P2RX6: variants seen among roughly 807,000 people sequenced by gnomAD.
P2RX6 encodes purinergic receptor P2X 6.
Under a neutral mutation model 54.2 loss-of-function variants are expected in P2RX6, and 62 were observed. That is an observed-to-expected ratio of 1.14 (90% CI 0.93 to 1.41). The LOEUF is 1.41. P2RX6 is among the 40% of genes most tolerant of loss of function. The probability of loss-of-function intolerance (pLI) is 0.00; values close to 1 mark genes in which losing one functional copy is unlikely to be tolerated. For missense variants in P2RX6, 541 were observed against 566.3 expected (o/e 0.96, Z 0.45); for synonymous variants, 211 against 231.9 (o/e 0.91, Z 0.82).
intron 4 of P2RX6, 50 bp downstream of exon 4, chr22:21,022,801 C>A (rs765095256): frequency 1.3e-6 from 2 of 1,497,592 alleles, no homozygotes; most frequent in Non-Finnish European, 1.8e-6. Flanking sequence ...GGGGGCCGGG[C>A]TGGGATCCTG....
At chr22:21,010,805 C>T (rs758938224), upstream of P2RX6, among the ~76,000 whole-genome samples, 1 of 152,062 alleles carries the variant, frequency 6.6e-6, no homozygotes, top group African/African-American at 2.4e-5. Context: ...CCCTGCAGCC[C>T]TCTGCCCTCT....
intron 2 of P2RX6, 27 bp downstream of exon 2, chr22:21,016,119 G>A (rs181445943): frequency 6.4e-7 from 1 of 1,551,256 alleles, no homozygotes. Flanking sequence ...TGCTGACGGG[G>A]GCGCAAGTCC....
chr22:21,022,898 C>A, intron 4 of P2RX6, 44 bp from the exon 5 acceptor site: 4 of 1,573,570 alleles, frequency 2.5e-6, no homozygotes, highest in Non-Finnish European at 3.5e-6. Context: ...CCTCCCCAGG[C>A]CTGCAGAGAT....
intron 3 of P2RX6, 143 bp downstream of exon 3, chr22:21,018,203 T>G: frequency 1.5e-6 from 1 of 676,590 alleles, no homozygotes; most frequent in Non-Finnish European, 2.7e-6. Flanking sequence ...CTACATCTTT[T>G]CCTGAATCAT....
chr22:21,021,260 A>G (rs535618111), intron 3 of P2RX6, among the ~76,000 whole-genome samples: 2 of 152,172 alleles, frequency 1.3e-5, no homozygotes, highest in South Asian at 4.1e-4. Flanking sequence ...TACAGGCGTG[A>G]GCCACTGTGC....
chr22:21,012,203 C>T (rs1925773738), upstream of P2RX6, among the ~76,000 whole-genome samples: 1 of 152,150 alleles, frequency 6.6e-6, no homozygotes, highest in South Asian at 2.1e-4. Context: ...CCCCAACTCT[C>T]TGTGTTGCAG....
chr22:21,023,752 G>C (rs1247511441), intron 8 of P2RX6, 134 bp downstream of exon 8: 8 of 677,496 alleles, frequency 1.2e-5, no homozygotes, highest in Non-Finnish European at 1.8e-5. Context: ...AGGAGCAGGA[G>C]AGAGCTGTTC....
At position 21,025,543 on chromosome 22, in the gene P2RX6, T is replaced by G. The variant is rs112247715; in HGVS notation, c.891-262T>G. Among the ~76,000 whole-genome samples, 19 of 152,338 alleles carry G rather than the reference T, an allele frequency of 1.2e-4. 1 individual carries two copies. Among genetic ancestry groups the G allele is most frequent in the African/African-American group, 4.3e-4 (18 of 41,584 alleles). ...CTCTGGAATCCCTCAGCCCTGAGCCTGCCCCTTCACATCCCCCGCTGCTGG... is the reference window on the plus strand; with the variant it reads ...CTCTGGAATCCCTCAGCCCTGAGCCGGCCCCTTCACATCCCCCGCTGCTGG... On this transcript the variant is annotated intron_variant, in intron 8 of 11. Coordinates refer to ENST00000413302, the MANE Select transcript of P2RX6 (RefSeq NM_005446.5).
At chr22:21,023,448 AG>A in intron 7 of P2RX6, 32 bp downstream of exon 7, 3 of 1,613,832 alleles carry the variant, frequency 1.9e-6, no homozygotes, top group Non-Finnish European at 2.5e-6. Context: ...GGGTTCCTAG[AG>A]GGCTCTGGGA....
Position 21,022,752 on chromosome 22 carries a change from G to GT in P2RX6, c.463+2dup. 1.3e-6 allele frequency: 2 copies of GT among 1,563,216 alleles called. No individual in the cohort carries two copies. Among genetic ancestry groups the GT allele is most frequent in the South Asian group, 1.2e-5 (1 of 81,640 alleles). On this transcript the variant is annotated splice_donor_variant, in intron 4 of 11. Coordinates refer to ENST00000413302, the MANE Select transcript of P2RX6 (RefSeq NM_005446.5). LOFTEE classifies it high-confidence loss of function. ...GGGGAGGGAGGCACACACAGCCACG[G>GT]TAACTGTGGGCTCTGTCTTCCAGTG...
At chr22:21,022,131 G>C (rs534952865) in intron 3 of P2RX6, among the ~76,000 whole-genome samples, 2 of 152,290 alleles carry the variant, frequency 1.3e-5, no homozygotes, top group East Asian at 3.9e-4. Context: ...ACTCTGGGAG[G>C]CTGAGACAGA....
Position 21,022,730 on chromosome 22 carries a change from G to C in P2RX6, c.442G>C (p.Glu148Gln). The C allele has an allele frequency of 6.3e-7, 1 of 1,578,194 alleles. No homozygotes were observed. Among genetic ancestry groups the C allele is most frequent in the Non-Finnish European group, 8.6e-7 (1 of 1,163,246 alleles). Residue 148 changes from glutamate to glutamine, a missense_variant, in exon 4 of 12, where the codon GAG (glutamate) becomes CAG (glutamine). Physicochemically the swap from Glu to Gln is conservative, Grantham distance 29 (BLOSUM62 2). Around this residue, in one of 2 missense-constraint regions of P2RX6, gnomAD observed 526 missense variants for 531.5 expected, o/e 0.99. Coordinates refer to ENST00000413302, the MANE Select transcript of P2RX6 (RefSeq NM_005446.5). ...CWVDEDCPEG[E>Q]GGTHSHGVKT... ...GGTCGACGAGGACTGCCCCGAAGGG[G>C]AGGGAGGCACACACAGCCACGGTAA...
intron 6 of P2RX6, 28 bp downstream of exon 6, chr22:21,023,226 A>C (rs1314994399): frequency 1.2e-6 from 2 of 1,613,312 alleles, no homozygotes; most frequent in Non-Finnish European, 1.7e-6. Flanking sequence ...CATCTGCCCC[A>C]AGACCCTCCT....
At chr22:21,012,847 C>T (rs1362004093), upstream of P2RX6, among the ~76,000 whole-genome samples, 1 of 151,898 alleles carries the variant, frequency 6.6e-6, no homozygotes, top group African/African-American at 2.4e-5. Context: ...GGGTTAGAAG[C>T]CTGAAGGCTC....
chr22:21,019,568 C>G (rs942883467), intron 3 of P2RX6, among the ~76,000 whole-genome samples: 2 of 152,236 alleles, frequency 1.3e-5, no homozygotes, highest in African/African-American at 2.4e-5. Context: ...CCAGCCTCGG[C>G]CTCTCAAAGT....
chr22:21,011,638 C>G, upstream of P2RX6: 1 of 704,606 alleles, frequency 1.4e-6, no homozygotes, highest in Non-Finnish European at 2.6e-6. Context: ...AAGCCAGGTA[C>G]CACCCCCCTC....
intron 2 of P2RX6, 47 bp from the exon 3 acceptor site, chr22:21,017,942 C>T (rs572788322): frequency 7.9e-7 from 1 of 1,264,634 alleles, no homozygotes; most frequent in South Asian, 1.2e-5. Flanking sequence ...CCGGCCTTTC[C>T]AGTCAACACG....
intron 2 of P2RX6, 84 bp downstream of exon 2, chr22:21,016,176 G>A (rs1926357130): frequency 8.8e-6 from 12 of 1,369,976 alleles, no homozygotes; most frequent in Non-Finnish European, 1.1e-5. Context: ...CAGTGTGTGC[G>A]AGAGAGAAGC....
chr22:21,024,973 C>T (rs1382900427), intron 8 of P2RX6, among the ~76,000 whole-genome samples: 10 of 146,530 alleles, frequency 6.8e-5, no homozygotes, highest in Non-Finnish European at 1.2e-4. Flanking sequence ...CTTTGCCTCT[C>T]GGGTTCAAGC....
Sources: allele counts gnomAD v4.1 joint callset (sites outside exome capture counted in the v4.1 genomes callset), GRCh38; gene constraint gnomAD v4.1.1; regional missense constraint gnomAD v4.1.1; transcripts MANE v1.5; gene names NCBI Gene and HGNC (gene_info 2026-07-23, HGNC 2026-07-21).